NOX4: variants seen among roughly 807,000 people sequenced by gnomAD.
The protein encoded by NOX4 is kidney oxidase-1.
NOX4 carries 69 observed loss-of-function variants against 87.6 expected under a neutral mutation model. The observed-to-expected ratio is 0.79, with a 90% CI of 0.65 to 0.96. NOX4 has a LOEUF of 0.96. NOX4 is among the 40% of genes least tolerant of loss of function. The pLI is 0.00. For synonymous variants in NOX4, 275 were observed against 238.2 expected, an observed-to-expected ratio of 1.15 and a Z score of -1.42; for missense variants, 680 against 681.5, an observed-to-expected ratio of 1.00 and a Z score of 0.02.
the NOX4 span, among the ~76,000 whole-genome samples, chr11:89,564,725 TTTG>T: frequency 2.2e-4 from 33 of 150,068 alleles, no homozygotes; most frequent in East Asian, 3.4e-3. Flanking sequence ...GGAGGAGTTT[TTTG>T]TTGTTGTTGT....
At chr11:89,483,224 T>A (rs1946464098) in intron 2 of NOX4, among the ~76,000 whole-genome samples, 1 of 152,112 alleles carries the variant, frequency 6.6e-6, no homozygotes. Flanking sequence ...TGGTAACAGT[T>A]GCTATTAGGT....
At chr11:89,459,101 A>T (rs1331368426) in intron 2 of NOX4, among the ~76,000 whole-genome samples, 2 of 152,194 alleles carry the variant, frequency 1.3e-5, no homozygotes, top group African/African-American at 4.8e-5. Flanking sequence ...TGGTGTATAC[A>T]TATACCATGG....
At chr11:89,383,327 T>C (rs576616941) in intron 11 of NOX4, among the ~76,000 whole-genome samples, 1 of 152,278 alleles carries the variant, frequency 6.6e-6, no homozygotes, top group Admixed American at 6.5e-5. Flanking sequence ...CCATGTCCCA[T>C]CTATGCGGGA....
intron 12 of NOX4, among the ~76,000 whole-genome samples, chr11:89,361,957 G>T (rs1453577849): frequency 6.6e-6 from 1 of 151,976 alleles, no homozygotes; most frequent in Non-Finnish European, 1.5e-5. Flanking sequence ...CTCTCACAGA[G>T]CAGCTCACAT....
intron 8 of NOX4, among the ~76,000 whole-genome samples, chr11:89,421,437 CCTTTT>C (rs1943079950): frequency 6.6e-6 from 1 of 151,680 alleles, no homozygotes; most frequent in African/African-American, 2.4e-5. Flanking sequence ...TTTGACAGAT[CCTTTT>C]CTTTGGTTAT....
chr11:89,582,619 G>A, the NOX4 span, among the ~76,000 whole-genome samples: 6 of 152,168 alleles, frequency 3.9e-5, no homozygotes, highest in South Asian at 4.1e-4. Flanking sequence ...TGTTTCTTGT[G>A]CCTAAAAAGT....
intron 12 of NOX4, among the ~76,000 whole-genome samples, chr11:89,362,550 T>A (rs1055626403): frequency 6.6e-6 from 1 of 152,116 alleles, no homozygotes; most frequent in African/African-American, 2.4e-5. Flanking sequence ...GTTTGAATTT[T>A]TAATCTTTAG....
chr11:89,335,382 A>G (rs2135372646), intron 17 of NOX4, among the ~76,000 whole-genome samples: 1 of 151,912 alleles, frequency 6.6e-6, no homozygotes, highest in Middle Eastern at 3.4e-3. Context: ...AAGACTGCAT[A>G]TTACAATGCA....
chr11:89,556,880 G>A, the NOX4 span: 1 of 152,062 alleles, frequency 6.6e-6, no homozygotes, highest in Non-Finnish European at 1.5e-5. Context: ...GAGATGGGGT[G>A]GAGGAGCCAA....
At chr11:89,427,550 C>G (rs534016059) in intron 7 of NOX4, among the ~76,000 whole-genome samples, 1 of 152,284 alleles carries the variant, frequency 6.6e-6, no homozygotes, top group African/African-American at 2.4e-5. Flanking sequence ...AGCTGAAAAC[C>G]ATGGCACGAG....
intron 7 of NOX4, among the ~76,000 whole-genome samples, chr11:89,425,693 G>C (rs922829133): frequency 6.6e-6 from 1 of 151,880 alleles, no homozygotes; most frequent in Non-Finnish European, 1.5e-5. Context: ...AGAGCAAGAA[G>C]GATTTAATCT....
chr11:89,441,734 T>G (rs980652455), intron 5 of NOX4, among the ~76,000 whole-genome samples: 3 of 151,918 alleles, frequency 2.0e-5, no homozygotes, highest in African/African-American at 7.3e-5. Context: ...CAATTAATAT[T>G]GCTAGAGAAA....
chr11:89,329,373 A>G (rs112214852), intron 17 of NOX4, among the ~76,000 whole-genome samples: 39 of 131,480 alleles, frequency 3.0e-4, no homozygotes, highest in East Asian at 6.4e-4. Flanking sequence ...AAAAAAAAAA[A>G]AAGAACAGAG....
chr11:89,374,541 C>T lies in NOX4; in HGVS notation c.1075-1049G>A, dbSNP rs537514274. 1.4e-4 allele frequency among the ~76,000 whole-genome samples: 22 copies of T among 152,208 alleles called. No individual in the cohort carries two copies. In the East Asian group the frequency reaches 1.7e-3, roughly 12 times the overall value. On this transcript the variant is annotated intron_variant, in intron 11 of 17. Transcript: ENST00000263317. Reference sequence around the variant, plus strand: ...ATTTTCAAAATCTACAATAACTTTACAGAGTTGTCTTTTATAGATAAGAAA... The same window carrying T: ...ATTTTCAAAATCTACAATAACTTTATAGAGTTGTCTTTTATAGATAAGAAA...
At chr11:89,456,207 T>G (rs986580504) in intron 2 of NOX4, among the ~76,000 whole-genome samples, 1 of 152,094 alleles carries the variant, frequency 6.6e-6, no homozygotes, top group African/African-American at 2.4e-5. Context: ...CTATAATAAT[T>G]AAAAATTAAA....
At chr11:89,552,964 G>C in the NOX4 span, among the ~76,000 whole-genome samples, 1 of 152,050 alleles carries the variant, frequency 6.6e-6, no homozygotes, top group East Asian at 1.9e-4. Flanking sequence ...TTTCATTCAA[G>C]TCAAGCAGTA....
intron 11 of NOX4, among the ~76,000 whole-genome samples, chr11:89,384,723 A>C (rs371784906): frequency 6.6e-6 from 1 of 152,096 alleles, no homozygotes; most frequent in Non-Finnish European, 1.5e-5. Context: ...ACCATTTTTC[A>C]TTACACACAG....
At chr11:89,410,309 A>T (rs1942407671) in intron 8 of NOX4, among the ~76,000 whole-genome samples, 1 of 152,302 alleles carries the variant, frequency 6.6e-6, no homozygotes, top group Middle Eastern at 3.4e-3. Context: ...AGTTAAACAA[A>T]TTTAGAGATT....
At chr11:89,415,512 C>A (rs1297365116) in intron 8 of NOX4, among the ~76,000 whole-genome samples, 6 of 152,032 alleles carry the variant, frequency 3.9e-5, no homozygotes, top group Non-Finnish European at 5.9e-5. Flanking sequence ...ACGTTTTTGA[C>A]CACACAAACT....
Sources: allele counts gnomAD v4.1 joint callset (sites outside exome capture counted in the v4.1 genomes callset), GRCh38; gene constraint gnomAD v4.1.1; transcripts MANE v1.5; gene names NCBI Gene and HGNC (gene_info 2026-07-23, HGNC 2026-07-21).